Variants in LSM8 observed in about 807,000 individuals in gnomAD.
LSM8 encodes LSM8 homolog, U6 small nuclear RNA associated.
LSM8 carries 14 observed loss-of-function variants against 15.0 expected under a neutral mutation model. The observed-to-expected ratio is 0.93, with a 90% confidence interval of 0.62 to 1.46. The LOEUF (loss-of-function observed/expected upper bound fraction) is 1.46, where lower values mean the gene tolerates loss of function less well. Among genes scored for constraint, LSM8 ranks in the 40% most tolerant of loss-of-function variants. LSM8 has a pLI of 0.00. For synonymous variants in LSM8, 50 were observed against 42.1 expected (o/e 1.19, Z -0.73); for missense variants, 90 against 115.4 (o/e 0.78, Z 1.01).
chr7:118,186,589 T>C (rs1808893615), intron 2 of LSM8, among the ~76,000 whole-genome samples: 1 of 152,232 alleles, frequency 6.6e-6, no homozygotes, highest in Non-Finnish European at 1.5e-5. Flanking sequence ...TGTTACATTA[T>C]TTAATGTACA....
intron 3 of LSM8, chr7:118,188,611 C>A (rs2115916741): frequency 2.5e-6 from 1 of 393,840 alleles, no homozygotes; most frequent in Non-Finnish European, 4.4e-6. Context: ...AGGTTTCAAC[C>A]AAAGCTGTCT....
rs201308070 is a variant in LSM8, at chr7:118,194,209, TA to T, written c.*2208del. Among the ~76,000 whole-genome samples, 2,800 of 152,190 alleles carry T rather than the reference TA, an allele frequency of 0.018. 42 individuals carry two copies. Among genetic ancestry groups the T allele is most frequent in the East Asian group, 0.077 (398 of 5,176 alleles). On this transcript the variant is annotated 3_prime_UTR_variant, in exon 4 of 4. Coordinates refer to ENST00000249299, the MANE Select transcript of LSM8 (RefSeq NM_016200.5). ...ATTTATTCTATAATCAGTTCTTATTTATAAAGAGGCGCAAATCAATTTCAAC... is the reference window on the plus strand; with the variant it reads ...ATTTATTCTATAATCAGTTCTTATTTTAAAGAGGCGCAAATCAATTTCAAC...
Position 118,194,378 on chromosome 7 carries a change from C to A in LSM8, c.*2376C>A, listed in dbSNP as rs188166299. 6.7e-6 allele frequency among the ~76,000 whole-genome samples: 1 copy of A among 150,104 alleles called. No homozygotes were observed. On this transcript the variant is annotated 3_prime_UTR_variant, in exon 4 of 4. Transcript: ENST00000249299. ...GCAAAAGGGACTTTTTTTTTTTTAA[C>A]TGACAAGATACTATCTAAACTAATA...
rs2115948928 is a variant in LSM8, at chr7:118,203,275, T to G, written c.*11273T>G. On this transcript the variant is annotated 3_prime_UTR_variant, in exon 4 of 4. Transcript: ENST00000249299. ...CAGAATTATGGGGCACTCTGAATACTAATTTAAGAAAGAAATATAAACCCC... is the reference window on the plus strand; with the variant it reads ...CAGAATTATGGGGCACTCTGAATACGAATTTAAGAAAGAAATATAAACCCC... Among the ~76,000 whole-genome samples the G allele has an allele frequency of 6.6e-6, 1 of 152,050 alleles. No individual in the cohort carries two copies. The highest frequency in any genetic ancestry group is 2.1e-4 in the South Asian group (1 of 4,830).
At position 118,200,226 on chromosome 7, in the gene LSM8, T is replaced by C. The variant is rs1809149646; in HGVS notation, c.*8224T>C. 6.6e-6 allele frequency among the ~76,000 whole-genome samples: 1 copy of C among 152,130 alleles called. No individual in the cohort carries two copies. The highest frequency in any genetic ancestry group is 1.5e-5 in the Non-Finnish European group (1 of 68,016). On this transcript the variant is annotated 3_prime_UTR_variant, in exon 4 of 4. Transcript: ENST00000249299. ...CTAGGTATCCAAGTGCACATTATAT[T>C]GGCTTTGTAGAGCCATTGGAGGGAG...
rs1809127384 is a variant in LSM8, at chr7:118,199,079, TTG to T, written c.*7080_*7081del. Among the ~76,000 whole-genome samples, 2 of 152,180 alleles carry T rather than the reference TTG, an allele frequency of 1.3e-5. No homozygotes were observed. Among genetic ancestry groups the T allele is most frequent in the South Asian group, 4.1e-4 (2 of 4,828 alleles). ...CCACTGGGAGAGGACATCTTGAAGT[TTG>T]TGCCTGGTTTCTCCTGATTTTCACC... is the stretch of plus-strand genomic sequence containing the variant. On this transcript the variant is annotated 3_prime_UTR_variant, in exon 4 of 4. Coordinates refer to ENST00000249299, the MANE Select transcript of LSM8 (RefSeq NM_016200.5).
rs775916020 is a variant in LSM8, at chr7:118,184,205, A to G, written c.-19A>G. 1.9e-6 allele frequency: 3 copies of G among 1,543,108 alleles called. No individual in the cohort carries two copies. The highest frequency in any genetic ancestry group is 2.6e-6 in the Non-Finnish European group (3 of 1,143,042). On this transcript the variant is annotated 5_prime_UTR_variant, in exon 1 of 4. Transcript: ENST00000249299. ...CTGTCGGCACCGCTGCGTTACCCGG[A>G]ACCGCCGGGCCGAACAGCATGACGT...
rs1808983510 is a variant in LSM8 at position 118,191,660 on chromosome 7, A to G, written c.201-252A>G. On this transcript the variant is annotated intron_variant, in intron 3 of 3. Transcript: ENST00000249299. ...AAGATTCATGATACAATCACTGTGTACAATGTGTCCTTTAATATTGGTTCC... is the reference window on the plus strand; with the variant it reads ...AAGATTCATGATACAATCACTGTGTGCAATGTGTCCTTTAATATTGGTTCC... The G allele has an allele frequency of 7.5e-6, 3 of 399,684 alleles. No individual in the cohort carries two copies. The South Asian group carries it at 9.6e-5, about 13-fold the overall frequency. 24.8% of individuals were successfully genotyped at this position (399,684 alleles called of 1,614,324 possible).
Position 118,184,227 on chromosome 7 carries a change from A to C in LSM8, c.4A>C (p.Thr2Pro). The change falls in exon 1 of 4, where the codon ACG becomes CCG. Residue 2 changes from threonine to proline, a missense_variant. Physicochemically the swap from Thr to Pro is conservative, Grantham distance 38. Transcript: ENST00000249299. M[T>P]SALENYINRT... ...CGGAACCGCCGGGCCGAACAGCATG[A>C]CGTCCGCTTTGGAGAACTACATCAA... The C allele has an allele frequency of 6.5e-7, 1 of 1,541,322 alleles. No homozygotes were observed. The highest frequency in any genetic ancestry group is 1.7e-4 in the Middle Eastern group (1 of 5,946).
rs1410335385 is a variant in LSM8, at chr7:118,193,309, C to T, written c.*1307C>T. 2.6e-5 allele frequency among the ~76,000 whole-genome samples: 4 copies of T among 151,918 alleles called. No individual in the cohort carries two copies. Among genetic ancestry groups the T allele is most frequent in the Non-Finnish European group, 5.9e-5 (4 of 67,944 alleles). On this transcript the variant is annotated 3_prime_UTR_variant, in exon 4 of 4. Transcript: ENST00000249299. ...TTGGGCTTGAAGGCATAGTTGCTGA[C>T]CCTTGGCTTAATACAAGTTCAATAA...
chr7:118,191,988 T>C lies in LSM8; in HGVS notation c.277T>C (p.Ser93Pro). ...GAATATTCGAGCAGAACCTTTAAAT[T>C]CTGTAGCACACTGAGGAAAAACTAC... ...LGNIRAEPLN[S>P]VAH Residue 93 changes from serine (S) to proline (P), a missense_variant, in exon 4 of 4, where the codon TCT (serine) becomes CCT (proline). Physicochemically the swap from Ser to Pro is moderately conservative, Grantham distance 74. Coordinates refer to ENST00000249299, the MANE Select transcript of LSM8 (RefSeq NM_016200.5). The C allele has an allele frequency of 6.2e-7, 1 of 1,608,682 alleles. No homozygotes were observed. The highest frequency in any genetic ancestry group is 8.5e-7 in the Non-Finnish European group (1 of 1,175,698).
chr7:118,192,016 AC>A lies in LSM8; in HGVS notation c.*15del, dbSNP rs1562862609. On this transcript the variant is annotated 3_prime_UTR_variant, in exon 4 of 4. Transcript: ENST00000249299. Reference sequence around the variant, plus strand: ...GTAGCACACTGAGGAAAAACTACATACTTGGACATCTGTAAATCTTTGTACA... The same window carrying A: ...GTAGCACACTGAGGAAAAACTACATATTGGACATCTGTAAATCTTTGTACA... 1 of 1,567,014 alleles carries A rather than the reference AC, an allele frequency of 6.4e-7. No homozygotes were observed. The highest frequency in any genetic ancestry group is 1.7e-5 in the Admixed American group (1 of 58,778).
Position 118,198,732 on chromosome 7 carries a change from C to G in LSM8, c.*6730C>G, listed in dbSNP as rs59768076. 0.099 allele frequency among the ~76,000 whole-genome samples: 15,003 copies of G among 152,140 alleles called. 1,203 individuals are homozygous for G. The highest frequency in any genetic ancestry group is 0.27 in the East Asian group (1,408 of 5,170). ...AGTAATAAGGAGTAGACTGACCTCT[C>G]TGTACAGTAAAGGCTCAAATCCTTT... On this transcript the variant is annotated 3_prime_UTR_variant, in exon 4 of 4. Coordinates refer to ENST00000249299, the MANE Select transcript of LSM8 (RefSeq NM_016200.5).
At position 118,195,091 on chromosome 7, in the gene LSM8, G is replaced by T. The variant is rs1402570780; in HGVS notation, c.*3089G>T. Among the ~76,000 whole-genome samples, 1 of 152,114 alleles carries T rather than the reference G, an allele frequency of 6.6e-6. No individual in the cohort carries two copies. The highest frequency in any genetic ancestry group is 1.9e-4 in the East Asian group (1 of 5,186). ...ATGATCTAACGCAGTTCCCAAACCT[G>T]CATTGTGGGCCGTTTTCATTACAAT... On this transcript the variant is annotated 3_prime_UTR_variant, in exon 4 of 4. Coordinates refer to ENST00000249299, the MANE Select transcript of LSM8 (RefSeq NM_016200.5).
At chr7:118,188,556 G>A (rs1808925066) in intron 3 of LSM8, 151 bp downstream of exon 3, 2 of 686,584 alleles carry the variant, frequency 2.9e-6, no homozygotes, top group Admixed American at 3.6e-5. Context: ...TCTTATGTTT[G>A]TGTAAAATAA....
chr7:118,189,040 G>A (rs1808931507), intron 3 of LSM8: 1 of 152,264 alleles, frequency 6.6e-6, no homozygotes, highest in African/African-American at 2.4e-5. Flanking sequence ...TGAGGCAAGT[G>A]GATCAGGTCA....
chr7:118,203,380 G>A lies in LSM8; in HGVS notation c.*11378G>A, dbSNP rs748475305. 9.2e-5 allele frequency among the ~76,000 whole-genome samples: 14 copies of A among 151,686 alleles called. No homozygotes were observed. Among genetic ancestry groups the A allele is most frequent in the Non-Finnish European group, 1.5e-4 (10 of 67,796 alleles). On this transcript the variant is annotated 3_prime_UTR_variant, in exon 4 of 4. Coordinates refer to ENST00000249299, the MANE Select transcript of LSM8 (RefSeq NM_016200.5). ...GATATCATATAGGAGTAAAAATTGC[G>A]GGGAGGTCCTAATATCCAATATTAA...
In LSM8 at chr7:118,202,116, A is replaced by G. The variant is rs114142642; in HGVS notation, c.*10114A>G. The stretch of plus-strand genomic sequence containing the variant: ...GACTGCCTCATCAATGCTATTTAAT[A>G]ACAGAATTCTGGGGATGTCTTGAAA... On this transcript the variant is annotated 3_prime_UTR_variant, in exon 4 of 4. Transcript: ENST00000249299. 5.1e-3 allele frequency among the ~76,000 whole-genome samples: 774 copies of G among 152,194 alleles called. 6 individuals carry two copies. Among genetic ancestry groups the G allele is most frequent in the African/African-American group, 0.017 (714 of 41,560 alleles).
Position 118,186,091 on chromosome 7 carries a change from G to T in LSM8, c.72+397G>T, listed in dbSNP as rs540888439. ...AATATCTAGATAACATTTAAGGCTT[G>T]TATACAATCTTAATATTCTTTGTTT... On this transcript the variant is annotated intron_variant, in intron 2 of 3. Transcript: ENST00000249299. Among the ~76,000 whole-genome samples the T allele has an allele frequency of 5.3e-5, 8 of 152,204 alleles. No individual in the cohort carries two copies. In the South Asian group the frequency reaches 1.2e-3, roughly 24 times the overall value.
Sources: gnomAD v4.1 joint callset for allele counts (sites outside exome capture counted in the v4.1 genomes callset) on GRCh38, gnomAD v4.1.1 for gene constraint, MANE v1.5 for transcripts, NCBI Gene and HGNC (gene_info 2026-07-23, HGNC 2026-07-21) for gene names.